The following CRISPLD2 variants were observed in gnomAD, a reference collection of about 807,000 sequenced individuals.
The protein encoded by CRISPLD2 is cysteine rich secretory protein LCCL domain containing 2, also known as cysteine-rich secretory protein LCCL domain-containing 2.
In CRISPLD2, 47 loss-of-function variants were observed where a neutral mutation model predicts 71.1. That is an observed-to-expected ratio of 0.66 (90% confidence interval 0.52 to 0.84). The LOEUF (loss-of-function observed/expected upper bound fraction) is 0.84. CRISPLD2 is among the 40% of genes least tolerant of loss of function. The pLI is 0.00. For synonymous variants in CRISPLD2, 317 were observed against 250.1 expected, an observed-to-expected ratio of 1.27 and a Z score of -2.52; for missense variants, 830 against 651.1, an observed-to-expected ratio of 1.27 and a Z score of -2.99.
rs151045407 is a variant in CRISPLD2 at position 84,872,674 on chromosome 16, A to G, written c.981+166A>G. Among the ~76,000 whole-genome samples, 788 of 152,326 alleles carry G rather than the reference A, an allele frequency of 5.2e-3. 8 individuals carry two copies. The highest frequency in any genetic ancestry group is 0.018 in the African/African-American group (759 of 41,564). ...TATATTTATGGGCTTACAAACTAGC[A>G]AAGCCACTTTCGGGGACCAATCCTC... On this transcript the variant is annotated intron_variant, in intron 9 of 14. Transcript: ENST00000262424.
At chr16:84,850,855 A>T (rs1357362081) in intron 5 of CRISPLD2, among the ~76,000 whole-genome samples, 172 bp downstream of exon 5, 1 of 151,826 alleles carries the variant, frequency 6.6e-6, no homozygotes, top group Non-Finnish European at 1.5e-5. Context: ...GTCAACAAGG[A>T]CTCGGGTTCT....
At chr16:84,889,753 TG>T (rs2071645219) in intron 14 of CRISPLD2, among the ~76,000 whole-genome samples, 1 of 47,242 alleles carries the variant, frequency 2.1e-5, no homozygotes. Flanking sequence ...TGTTTTTCTT[TG>T]TGTGTGTGTG....
At chr16:84,874,349 T>C (rs1338896781) in intron 11 of CRISPLD2, among the ~76,000 whole-genome samples, 1 of 152,196 alleles carries the variant, frequency 6.6e-6, no homozygotes, top group African/African-American at 2.4e-5. Flanking sequence ...AAACAGAGCT[T>C]GATAGATTAG....
chr16:84,824,229 T>A (rs2143128972), intron 1 of CRISPLD2, among the ~76,000 whole-genome samples: 1 of 152,278 alleles, frequency 6.6e-6, no homozygotes, highest in South Asian at 2.1e-4. Context: ...GGAAGTTTGG[T>A]GTGCCTGTAG....
At chr16:84,872,541 G>C (rs760765774) in intron 9 of CRISPLD2, 33 bp downstream of exon 9, 1 of 1,565,778 alleles carries the variant, frequency 6.4e-7, no homozygotes, top group Non-Finnish European at 8.8e-7. Flanking sequence ...TCAATGGCTT[G>C]TGTGGGATCC....
chr16:84,854,858 A>C, intron 6 of CRISPLD2, 29 bp downstream of exon 6: 2 of 1,553,386 alleles, frequency 1.3e-6, no homozygotes, highest in Non-Finnish European at 1.8e-6. Flanking sequence ...ACACTTTTGC[A>C]ATGAATTTGC....
chr16:84,901,468 CTTTTTTT>C (rs564314509), intron 14 of CRISPLD2, among the ~76,000 whole-genome samples: 2 of 119,068 alleles, frequency 1.7e-5, no homozygotes, highest in Admixed American at 1.7e-4. Flanking sequence ...CCTGGCTGCA[CTTTTTTT>C]TTTTTTTTTT....
intron 11 of CRISPLD2, among the ~76,000 whole-genome samples, chr16:84,875,060 G>A (rs2071505916): frequency 6.6e-6 from 1 of 152,076 alleles, no homozygotes; most frequent in African/African-American, 2.4e-5. Flanking sequence ...TGGCAACACA[G>A]CAAGACCCTG....
chr16:84,894,837 C>T (rs761824296), intron 14 of CRISPLD2, among the ~76,000 whole-genome samples: 1 of 152,034 alleles, frequency 6.6e-6, no homozygotes, highest in Non-Finnish European at 1.5e-5. Flanking sequence ...TCAGTGAGTA[C>T]CCACGGCTGG....
At chr16:84,833,476 G>A (rs529225970) in intron 1 of CRISPLD2, among the ~76,000 whole-genome samples, 1 of 152,220 alleles carries the variant, frequency 6.6e-6, no homozygotes, top group Non-Finnish European at 1.5e-5. Flanking sequence ...ACAGGATGCA[G>A]GGGCATCTCT....
intron 6 of CRISPLD2, among the ~76,000 whole-genome samples, chr16:84,861,842 A>T (rs1318948166): frequency 1.3e-5 from 2 of 152,200 alleles, no homozygotes; most frequent in Non-Finnish European, 2.9e-5. Flanking sequence ...AGATGGGAAG[A>T]TCGCTTGAGT....
At chr16:84,837,065 C>G (rs1029840302) in intron 1 of CRISPLD2, among the ~76,000 whole-genome samples, 5 of 152,234 alleles carry the variant, frequency 3.3e-5, no homozygotes, top group Non-Finnish European at 5.9e-5. Flanking sequence ...CAGTCTCCAT[C>G]TCGGAGTCCA....
chr16:84,820,670 G>A (rs1488315752), intron 1 of CRISPLD2, among the ~76,000 whole-genome samples: 2 of 152,184 alleles, frequency 1.3e-5, no homozygotes, highest in Admixed American at 6.5e-5. Context: ...GGGTCAGAGA[G>A]GTGAAGTAAG....
intron 8 of CRISPLD2, among the ~76,000 whole-genome samples, chr16:84,869,801 G>A (rs2071450053): frequency 6.6e-6 from 1 of 152,270 alleles, no homozygotes; most frequent in African/African-American, 2.4e-5. Flanking sequence ...TTGTCCTTTT[G>A]TGGCAACGCA....
chr16:84,850,249 C>A (rs1245991950), intron 4 of CRISPLD2, among the ~76,000 whole-genome samples: 1 of 151,992 alleles, frequency 6.6e-6, no homozygotes, highest in African/African-American at 2.4e-5. Context: ...TGCCACCACG[C>A]CCGGCTAATT....
intron 1 of CRISPLD2, among the ~76,000 whole-genome samples, chr16:84,834,797 C>T (rs561201643): frequency 6.6e-6 from 1 of 152,240 alleles, no homozygotes; most frequent in African/African-American, 2.4e-5. Flanking sequence ...CGTCTTCTCC[C>T]TGTGTCCTCA....
At chr16:84,820,707 C>T (rs1218371015) in intron 1 of CRISPLD2, among the ~76,000 whole-genome samples, 2 of 152,178 alleles carry the variant, frequency 1.3e-5, no homozygotes, top group South Asian at 2.1e-4. Flanking sequence ...AGGGCTGGAA[C>T]CCAGCTCTGT....
At chr16:84,861,920 AC>A (rs752775253) in intron 6 of CRISPLD2, among the ~76,000 whole-genome samples, 3 of 152,112 alleles carry the variant, frequency 2.0e-5, no homozygotes, top group Non-Finnish European at 2.9e-5. Context: ...ACACAGCGAG[AC>A]CCCAACTCTA....
In CRISPLD2 at chr16:84,845,875, C is replaced by G. The variant is rs567461246; in HGVS notation, c.330C>G (p.Ile110Met). ...GGCCCACCAGTCTGCTGGTGTCCAT[C>G]GGGCAGAACCTGGGCGCTCACTGGG... Reference protein sequence around the residue: ...EHGPTSLLVSIGQNLGAHWGR... With the variant: ...EHGPTSLLVSMGQNLGAHWGR... Residue 110 changes from isoleucine (I) to methionine (M), a missense_variant, in exon 3 of 15, where the codon ATC becomes ATG. Physicochemically the swap from Ile to Met is conservative, Grantham distance 10. Coordinates refer to ENST00000262424, the MANE Select transcript of CRISPLD2 (RefSeq NM_031476.4). 8.7e-6 allele frequency: 14 copies of G among 1,613,590 alleles called. No individual in the cohort carries two copies. The highest frequency in any genetic ancestry group is 1.1e-5 in the South Asian group (1 of 91,060).
Sources: gnomAD v4.1 joint callset for allele counts (sites outside exome capture counted in the v4.1 genomes callset) on GRCh38, gnomAD v4.1.1 for gene constraint, MANE v1.5 for transcripts, NCBI Gene and HGNC (gene_info 2026-07-23, HGNC 2026-07-21) for gene names.